MED13L: variants seen among roughly 807,000 people sequenced by gnomAD.
The protein encoded by MED13L is mediator complex subunit 13L.
MED13L carries 7 observed loss-of-function variants against 220.9 expected under a neutral mutation model. The ratio of observed to expected loss-of-function variants is 0.03; its 90% confidence interval spans 0.02 to 0.06. The LOEUF is 0.06. Ranked by LOEUF, MED13L falls within the 10% of genes least tolerant of loss-of-function variation. The pLI is 1.00. For missense variants in MED13L, 1,965 were observed against 2,760.5 expected (o/e 0.71, Z 6.46); for synonymous variants, 1,011 against 1,015.2 (o/e 1.00, Z 0.08).
intron 10 of MED13L, 90 bp downstream of exon 10, chr12:116,008,311 A>G: frequency 1.3e-6 from 2 of 1,502,538 alleles, no homozygotes; most frequent in Non-Finnish European, 8.9e-7. Context: ...GCCTACTTCA[A>G]TTTTGAATCT....
Position 115,961,194 on chromosome 12 carries a change from AGT to A in MED13L, c.*70_*71del. 6.3e-7 allele frequency: 1 copy of A among 1,575,642 alleles called. No individual in the cohort carries two copies. On this transcript the variant is annotated 3_prime_UTR_variant, in exon 31 of 31. Transcript: ENST00000281928. Reference sequence around the variant, plus strand: ...AGAAAAGGATGTGGGTTATTTGCAGAGTGTAGCAGGTTCCTTGGACTGAGGTT... The same window carrying A: ...AGAAAAGGATGTGGGTTATTTGCAGAGTAGCAGGTTCCTTGGACTGAGGTT...
At chr12:116,070,610 C>A (rs1290019818) in intron 4 of MED13L, among the ~76,000 whole-genome samples, 1 of 152,120 alleles carries the variant, frequency 6.6e-6, no homozygotes, top group Non-Finnish European at 1.5e-5. Context: ...TCGCCTAGCA[C>A]CTAACATAGT....
intron 2 of MED13L, among the ~76,000 whole-genome samples, chr12:116,233,461 G>A (rs1869773369): frequency 6.6e-6 from 1 of 152,020 alleles, no homozygotes; most frequent in Non-Finnish European, 1.5e-5. Flanking sequence ...ATCAAATTAA[G>A]TCTAAATGTC....
At chr12:116,053,300 T>C (rs1566032550) in intron 4 of MED13L, among the ~76,000 whole-genome samples, 1 of 152,146 alleles carries the variant, frequency 6.6e-6, no homozygotes, top group Non-Finnish European at 1.5e-5. Flanking sequence ...AAGTAAAATA[T>C]GACCATAAAT....
At chr12:116,069,781 A>T (rs1870228611) in intron 4 of MED13L, among the ~76,000 whole-genome samples, 1 of 152,212 alleles carries the variant, frequency 6.6e-6, no homozygotes, top group African/African-American at 2.4e-5. Context: ...AAAACAGTCG[A>T]AACTGTTTAA....
chr12:116,003,153 C>A lies in MED13L; in HGVS notation c.2470-51G>T, dbSNP rs774671603. The stretch of plus-strand genomic sequence containing the variant: ...CAGAGTGACGTGTATATAAGTAGGG[C>A]AGCATTCAAATATTTCCTAATGTAT... On this transcript the variant is annotated intron_variant, in intron 13 of 30. Coordinates refer to ENST00000281928, the MANE Select transcript of MED13L (RefSeq NM_015335.5). 10 of 1,511,910 alleles carry A rather than the reference C, an allele frequency of 6.6e-6. No individual in the cohort carries two copies. The South Asian group carries it at 1.0e-4, about 15-fold the overall frequency. The allele number at this position is 1,511,910 out of a possible 1,614,324, so 93.7% of individuals were successfully genotyped here.
At chr12:116,216,126 G>C (rs750094228) in intron 2 of MED13L, among the ~76,000 whole-genome samples, 1 of 152,042 alleles carries the variant, frequency 6.6e-6, no homozygotes, top group Non-Finnish European at 1.5e-5. Flanking sequence ...CTTTTACTAA[G>C]CTATCTTTCC....
At chr12:116,118,194 A>G (rs1156606827) in intron 2 of MED13L, among the ~76,000 whole-genome samples, 1 of 152,192 alleles carries the variant, frequency 6.6e-6, no homozygotes, top group Non-Finnish European at 1.5e-5. Context: ...TTCTGTAAGT[A>G]TATAACATAA....
chr12:115,965,951 T>A, intron 29 of MED13L, 131 bp downstream of exon 29: 1 of 1,160,516 alleles, frequency 8.6e-7, no homozygotes, highest in Non-Finnish European at 1.3e-6. Context: ...TTCCTCAGAG[T>A]ATAAGTAGAT....
chr12:116,265,498 T>A (rs889706765), intron 1 of MED13L, among the ~76,000 whole-genome samples: 1 of 152,238 alleles, frequency 6.6e-6, no homozygotes, highest in Non-Finnish European at 1.5e-5. Context: ...AGTTTCTATA[T>A]CGTCTTGGAT....
At chr12:115,961,721 C>A (rs1304269800) in intron 30 of MED13L, 1 of 380,920 alleles carries the variant, frequency 2.6e-6, no homozygotes, top group South Asian at 2.3e-5. Flanking sequence ...GGAATCCCAG[C>A]AACTTTGGGA....
intron 4 of MED13L, among the ~76,000 whole-genome samples, chr12:116,046,648 A>G (rs572758256): frequency 4.6e-5 from 7 of 152,302 alleles, no homozygotes; most frequent in African/African-American, 1.2e-4. Context: ...TCTCACTTCT[A>G]TCTGTGTACG....
intron 10 of MED13L, chr12:116,007,862 C>T (rs943834062): frequency 1.9e-6 from 1 of 539,370 alleles, no homozygotes; most frequent in Non-Finnish European, 3.3e-6. Context: ...GACAGACTGC[C>T]TAGTTTCAAA....
At position 116,169,114 on chromosome 12, in the gene MED13L, G is replaced by C. The variant is rs1453788933; in HGVS notation, c.311-57602C>G. The C allele has an allele frequency of 3.9e-5, 6 of 152,802 alleles. No homozygotes were observed. The Admixed American group carries it at 3.9e-4, about 10-fold the overall frequency. The allele number at this position is 152,802 out of a possible 1,614,324, so 9.5% of individuals were successfully genotyped here. A position where few individuals can be genotyped will look rare whatever the true frequency, so the allele number is the denominator to read the frequency against. ...AAGTTACTGAGACTAAATGATGGCA[G>C]ATATGTCCAAGGAATATTGTGAGGA... On this transcript the variant is annotated intron_variant, in intron 2 of 30. Coordinates refer to ENST00000281928, the MANE Select transcript of MED13L (RefSeq NM_015335.5).
intron 2 of MED13L, among the ~76,000 whole-genome samples, chr12:116,132,049 C>A (rs968067440): frequency 2.0e-5 from 3 of 151,948 alleles, no homozygotes; most frequent in Non-Finnish European, 2.9e-5. Flanking sequence ...GAGGCCAAGG[C>A]GGGCGGATCA....
chr12:116,000,463 T>C (rs920977277), intron 14 of MED13L, among the ~76,000 whole-genome samples: 3 of 152,196 alleles, frequency 2.0e-5, no homozygotes, highest in Admixed American at 1.3e-4. Flanking sequence ...CAGCACTTTA[T>C]GTATTCATGC....
chr12:116,009,218 G>A, intron 9 of MED13L, 86 bp from the exon 10 acceptor site: 1 of 1,350,708 alleles, frequency 7.4e-7, no homozygotes, highest in Non-Finnish European at 1.0e-6. Flanking sequence ...GCATACATTA[G>A]ATGTACTAAT....
At chr12:116,226,586 C>T (rs765428501) in intron 2 of MED13L, among the ~76,000 whole-genome samples, 19 of 152,150 alleles carry the variant, frequency 1.2e-4, no homozygotes, top group Admixed American at 9.2e-4. Flanking sequence ...AAACAGATTT[C>T]GGCCAGGAGT....
chr12:116,239,827 G>A (rs1233938962), intron 1 of MED13L, among the ~76,000 whole-genome samples: 2 of 152,106 alleles, frequency 1.3e-5, no homozygotes, highest in Non-Finnish European at 2.9e-5. Context: ...TGAATAGAAC[G>A]GTATGTACTT....
Sources: allele counts gnomAD v4.1 joint callset (sites outside exome capture counted in the v4.1 genomes callset), GRCh38; gene constraint gnomAD v4.1.1; transcripts MANE v1.5; gene names NCBI Gene and HGNC (gene_info 2026-07-23, HGNC 2026-07-21).